Variants in CDK5RAP1 observed in about 807,000 individuals in gnomAD.
CDK5RAP1 encodes mitochondrial tRNA methylthiotransferase CDK5RAP1.
A neutral mutation model predicts 64.5 loss-of-function variants in CDK5RAP1; 62 were observed. The observed-to-expected ratio is 0.96, with a 90% CI of 0.78 to 1.19. CDK5RAP1 has a LOEUF of 1.19. CDK5RAP1 is among the 50% of genes most tolerant of loss of function. The pLI is 0.00. For missense variants in CDK5RAP1, 657 were observed against 735.0 expected (o/e 0.89, Z 1.23); for synonymous variants, 250 against 261.9 (o/e 0.95, Z 0.44).
intron 8 of CDK5RAP1, among the ~76,000 whole-genome samples, chr20:33,378,432 G>GTAAA (rs995231115): frequency 2.0e-5 from 3 of 152,122 alleles, no homozygotes. Flanking sequence ...CATAACAGAT[G>GTAAA]TAATAATAAT....
intron 4 of CDK5RAP1, among the ~76,000 whole-genome samples, chr20:33,393,069 G>A (rs1343321696): frequency 1.3e-5 from 2 of 151,978 alleles, no homozygotes; most frequent in Non-Finnish European, 2.9e-5. Flanking sequence ...TAGTAGAGAT[G>A]GGGTTTCACT....
intron 11 of CDK5RAP1, among the ~76,000 whole-genome samples, chr20:33,367,257 CTT>C (rs1352368161): frequency 1.3e-5 from 2 of 152,110 alleles, no homozygotes; most frequent in Non-Finnish European, 2.9e-5. Flanking sequence ...CAAAATTACT[CTT>C]GATATTTATC....
At chr20:33,388,685 G>A (rs1987821016) in intron 5 of CDK5RAP1, among the ~76,000 whole-genome samples, 1 of 151,766 alleles carries the variant, frequency 6.6e-6, no homozygotes. Flanking sequence ...GCCAAAGCTG[G>A]ACTGTGCTGC....
rs182071949 is a variant in CDK5RAP1 at position 33,388,323 on chromosome 20, T to A, written c.545-790A>T. Among the ~76,000 whole-genome samples the A allele has an allele frequency of 3.9e-4, 59 of 152,246 alleles. 2 individuals carry two copies. Among genetic ancestry groups the A allele is most frequent in the African/African-American group, 1.4e-3 (57 of 41,556 alleles). ...AAATTATGTTATTAAAGTTATAATA[T>A]CTTAAAGTCCACTTTATTACAAATA... is the stretch of plus-strand genomic sequence containing the variant. On this transcript the variant is annotated intron_variant, in intron 5 of 13. Transcript: ENST00000346416.
At chr20:33,392,992 G>A (rs1988490965) in intron 4 of CDK5RAP1, among the ~76,000 whole-genome samples, 1 of 151,616 alleles carries the variant, frequency 6.6e-6, no homozygotes, top group African/African-American at 2.4e-5. Flanking sequence ...CAATTATCCT[G>A]CCTCAGCCTC....
chr20:33,397,847 C>G (rs1338041398), intron 1 of CDK5RAP1, among the ~76,000 whole-genome samples: 1 of 152,002 alleles, frequency 6.6e-6, no homozygotes, highest in Non-Finnish European at 1.5e-5. Flanking sequence ...CAAAAGTTAG[C>G]CAGATGTGGT....
In CDK5RAP1 at chr20:33,367,025, AAAG is replaced by A. The variant is rs1375556537; in HGVS notation, c.1393-20_1393-18del. ...CCGTGTCTTCTATTAAAAAAAAAAA[AAAG>A]AGAGAAGATGGAGGTCACCAAGGAC... On this transcript the variant is annotated intron_variant, in intron 11 of 13. Coordinates refer to ENST00000346416, the MANE Select transcript of CDK5RAP1 (RefSeq NM_016408.4). 2 of 1,597,096 alleles carry A rather than the reference AAAG, an allele frequency of 1.3e-6. No homozygotes were observed. Among genetic ancestry groups the A allele is most frequent in the South Asian group, 2.3e-5 (2 of 88,164 alleles).
chr20:33,371,823 T>A (rs968276035), intron 10 of CDK5RAP1, among the ~76,000 whole-genome samples: 1 of 152,104 alleles, frequency 6.6e-6, no homozygotes, highest in Non-Finnish European at 1.5e-5. Flanking sequence ...AGGAAAAATG[T>A]ATACACCCTC....
intron 12 of CDK5RAP1, among the ~76,000 whole-genome samples, chr20:33,363,277 T>C (rs1983265490): frequency 6.6e-6 from 1 of 152,164 alleles, no homozygotes; most frequent in Non-Finnish European, 1.5e-5. Context: ...TAGAGAGACA[T>C]GACAGTTAAA....
chr20:33,387,320 C>G lies in CDK5RAP1; in HGVS notation c.755+3G>C, dbSNP rs1203872178. On this transcript the variant is annotated splice_donor_region_variant and intron_variant, in intron 6 of 13. Transcript: ENST00000346416. ...ATTCCCTATCTCTTAGGCAGTGACTCACACAAAGGCAGACGTGGCACTGGC... is the reference window on the plus strand; with the variant it reads ...ATTCCCTATCTCTTAGGCAGTGACTGACACAAAGGCAGACGTGGCACTGGC... 1 of 1,609,020 alleles carries G rather than the reference C, an allele frequency of 6.2e-7. No homozygotes were observed. Among genetic ancestry groups the G allele is most frequent in the Admixed American group, 1.7e-5 (1 of 59,952 alleles).
At chr20:33,388,964 C>T (rs1372508638) in intron 5 of CDK5RAP1, among the ~76,000 whole-genome samples, 9 of 152,194 alleles carry the variant, frequency 5.9e-5, no homozygotes, top group Non-Finnish European at 1.3e-4. Flanking sequence ...GGCGTGACCT[C>T]CGCTCGCTAC....
chr20:33,386,755 G>T (rs996014858), intron 6 of CDK5RAP1, among the ~76,000 whole-genome samples: 2 of 143,924 alleles, frequency 1.4e-5, no homozygotes, highest in African/African-American at 5.1e-5. Flanking sequence ...AAAATAAACA[G>T]AGGTTGACAA....
intron 12 of CDK5RAP1, among the ~76,000 whole-genome samples, chr20:33,360,902 T>C (rs1362132239): frequency 2.0e-5 from 3 of 152,102 alleles, no homozygotes; most frequent in African/African-American, 4.8e-5. Context: ...CCTCACTGAA[T>C]AGACAGACTG....
chr20:33,361,271 T>C (rs1482467172), intron 12 of CDK5RAP1, among the ~76,000 whole-genome samples: 1 of 152,118 alleles, frequency 6.6e-6, no homozygotes, highest in Admixed American at 6.5e-5. Context: ...TCCCCTGCAC[T>C]GAAGAGAGAG....
chr20:33,387,229 C>T (rs1987545519), intron 6 of CDK5RAP1, 94 bp downstream of exon 6: 3 of 936,664 alleles, frequency 3.2e-6, no homozygotes, highest in Non-Finnish European at 4.9e-6. Flanking sequence ...GCACTCCAGC[C>T]TGGATGACAA....
chr20:33,385,624 G>C (rs906259961), intron 7 of CDK5RAP1, 26 bp downstream of exon 7: 1 of 1,612,496 alleles, frequency 6.2e-7, no homozygotes, highest in Admixed American at 1.7e-5. Context: ...CATGTTCACA[G>C]CAAGAAAGCC....
At chr20:33,370,450 C>T (rs201086142) in intron 11 of CDK5RAP1, 49 bp downstream of exon 11, 11 of 1,607,106 alleles carry the variant, frequency 6.8e-6, no homozygotes, top group Non-Finnish European at 9.4e-6. Flanking sequence ...AGTCACCACC[C>T]CCAAACTGGT....
At chr20:33,379,852 A>G (rs1986519408) in intron 7 of CDK5RAP1, among the ~76,000 whole-genome samples, 161 bp from the exon 8 acceptor site, 1 of 152,336 alleles carries the variant, frequency 6.6e-6, no homozygotes. Flanking sequence ...CTATAACCGA[A>G]TAATTTCAAG....
intron 5 of CDK5RAP1, among the ~76,000 whole-genome samples, chr20:33,388,642 C>T (rs1479003189): frequency 6.6e-6 from 1 of 150,792 alleles, no homozygotes; most frequent in Non-Finnish European, 1.5e-5. Context: ...GTCTCCCTCT[C>T]CCTCTCTTTC....
Sources: gnomAD v4.1 joint callset for allele counts (sites outside exome capture counted in the v4.1 genomes callset) on GRCh38, gnomAD v4.1.1 for gene constraint, MANE v1.5 for transcripts, NCBI Gene and HGNC (gene_info 2026-07-23, HGNC 2026-07-21) for gene names.